MUC12: variants seen among roughly 807,000 people sequenced by gnomAD.
MUC12 encodes mucin 12, cell surface associated.
A neutral mutation model predicts 230.8 loss-of-function variants in MUC12; 172 were observed. The ratio of observed to expected loss-of-function variants is 0.75; its 90% CI spans 0.66 to 0.85. MUC12 has a LOEUF of 0.85. Ranked by LOEUF, MUC12 falls within the 40% of genes least tolerant of loss-of-function variation. The pLI is 0.00. For synonymous variants in MUC12, 1,259 were observed against 2,401.9 expected, an observed-to-expected ratio of 0.52 and a Z score of 13.91; for missense variants, 3,506 against 5,920.6, an observed-to-expected ratio of 0.59 and a Z score of 13.38.
intron 1 of MUC12, among the ~76,000 whole-genome samples, chr7:100,977,989 A>G (rs1793057842): frequency 6.6e-6 from 1 of 152,028 alleles, no homozygotes; most frequent in Admixed American, 6.6e-5. Context: ...CTTTTCTCTG[A>G]CAAGTATGCA....
In MUC12 at chr7:101,004,879, A is replaced by C. The variant is rs1793713892; in HGVS notation, c.14316A>C (p.Gln4772His). Residue 4772 changes from glutamine (Q) to histidine (H), a missense_variant, in exon 2 of 12, where the codon CAA (glutamine) becomes CAC (histidine). Gln to His is a conservative substitution (Grantham distance 24). Transcript: ENST00000536621. ...GAGAACCCACCAGCTTGTATAGCCA[A>C]GCAGAGTCAACACACACAACAGCGT... ...ISGEPTSLYS[Q>H]AESTHTTAFP... 6.5e-7 allele frequency: 1 copy of C among 1,537,604 alleles called. No individual in the cohort carries two copies. Among genetic ancestry groups the C allele is most frequent in the Non-Finnish European group, 8.7e-7 (1 of 1,147,050 alleles).
In MUC12 at chr7:101,004,664, C is replaced by T. The variant is rs373274545; in HGVS notation, c.14101C>T (p.His4701Tyr). The T allele has an allele frequency of 2.6e-6, 4 of 1,537,418 alleles. No individual in the cohort carries two copies. The highest frequency in any genetic ancestry group is 3.5e-6 in the Non-Finnish European group (4 of 1,146,646). Reference protein sequence around the residue: ...DTNGITPLPAHFTTSGRIAES... With the variant: ...DTNGITPLPAYFTTSGRIAES... ...AAATGGAATCACACCCTTACCTGCC[C>T]ATTTTACTACCTCAGGCCGCATTGC... The change falls in exon 2 of 12, where the codon CAT (histidine) becomes TAT (tyrosine). Residue 4701 changes from histidine to tyrosine, a missense_variant. By Grantham distance (83) the His-to-Tyr change is moderately conservative. Coordinates refer to ENST00000536621, the MANE Select transcript of MUC12 (RefSeq NM_001164462.2).
rs1249774346 is a variant in MUC12, at chr7:100,992,794, G to C, written c.2231G>C (p.Ser744Thr). The C allele has an allele frequency of 6.5e-7, 1 of 1,537,286 alleles. No individual in the cohort carries two copies. Among genetic ancestry groups the C allele is most frequent in the East Asian group, 2.4e-5 (1 of 40,936 alleles). Residue 744 changes from serine (S) to threonine (T), a missense_variant, in exon 2 of 12, where the codon AGC becomes ACC. Physicochemically the swap from Ser to Thr is moderately conservative, Grantham distance 58. Coordinates refer to ENST00000536621, the MANE Select transcript of MUC12 (RefSeq NM_001164462.2). ...GTTGAAGAACCTACCAGCTACCACAGCAGCCCGGGCTCAACTGCAACAACA... is the reference window on the plus strand; with the variant it reads ...GTTGAAGAACCTACCAGCTACCACACCAGCCCGGGCTCAACTGCAACAACA... ...ALVEEPTSYH[S>T]SPGSTATTHF...
Position 100,995,767 on chromosome 7 carries a change from T to G in MUC12, c.5204T>G (p.Leu1735Trp). ...CACTTTTCTGCCAGCTCCACAACCT[T>G]GGGCCGTAGTGAGGAATCGACAACA... ...TTHFSASSTT[L>W]GRSEESTTVH... is the part of the protein sequence containing the mutation. The change falls in exon 2 of 12, where the codon TTG becomes TGG. Residue 1735 changes from leucine (L) to tryptophan (W), a missense_variant. Transcript: ENST00000536621. The G allele has an allele frequency of 6.5e-7, 1 of 1,527,796 alleles. No homozygotes were observed. The highest frequency in any genetic ancestry group is 8.7e-7 in the Non-Finnish European group (1 of 1,143,922). 94.6% of individuals were successfully genotyped at this position (1,527,796 alleles called of 1,614,324 possible).
Position 100,990,356 on chromosome 7 carries a change from T to G in MUC12, c.68-275T>G, listed in dbSNP as rs142926161. On this transcript the variant is annotated intron_variant, in intron 1 of 11. Coordinates refer to ENST00000536621, the MANE Select transcript of MUC12 (RefSeq NM_001164462.2). The stretch of plus-strand genomic sequence containing the variant: ...AATCATCCCAAAACCATTCCCCCAA[T>G]AGCCAACAGCTCAAGTCCTTGGGAA... Among the ~76,000 whole-genome samples, 244 of 152,308 alleles carry G rather than the reference T, an allele frequency of 1.6e-3. 2 individuals carry two copies. The highest frequency in any genetic ancestry group is 5.4e-3 in the African/African-American group (223 of 41,566).
rs1421447028 is a variant in MUC12, at chr7:100,995,337, C to G, written c.4774C>G (p.Pro1592Ala). Reference sequence around the variant, plus strand: ...AGGCTCAACGCACACAACAGCATTCCCTGGCAGTACCACCATGCCAGGCGT... The same window carrying G: ...AGGCTCAACGCACACAACAGCATTCGCTGGCAGTACCACCATGCCAGGCGT... ...RPGSTHTTAF[P>A]GSTTMPGVSQ... is the part of the protein sequence containing the mutation. Residue 1592 changes from proline to alanine, a missense_variant, in exon 2 of 12, where the codon CCT becomes GCT. Physicochemically the swap from Pro to Ala is conservative, Grantham distance 27. Coordinates refer to ENST00000536621, the MANE Select transcript of MUC12 (RefSeq NM_001164462.2). 1 of 1,533,056 alleles carries G rather than the reference C, an allele frequency of 6.5e-7. No individual in the cohort carries two copies. Among genetic ancestry groups the G allele is most frequent in the African/African-American group, 1.4e-5 (1 of 71,092 alleles). 95.0% of individuals were successfully genotyped at this position (1,533,056 alleles called of 1,614,324 possible).
intron 1 of MUC12, among the ~76,000 whole-genome samples, chr7:100,982,100 C>T (rs1401106993): frequency 6.6e-6 from 1 of 152,104 alleles, no homozygotes; most frequent in African/African-American, 2.4e-5. Context: ...CTCCTGACCT[C>T]AGGTGATCTG....
chr7:100,972,896 C>T (rs2116254779), intron 1 of MUC12: 1 of 703,022 alleles, frequency 1.4e-6, no homozygotes, highest in South Asian at 1.5e-5. Context: ...GAGAAGCAGA[C>T]AGTCGAGCAA....
In MUC12 at chr7:100,992,273, A is replaced by C. The variant is rs1298080951; in HGVS notation, c.1710A>C (p.Ala570=). 1.0e-5 allele frequency: 16 copies of C among 1,536,854 alleles called. No individual in the cohort carries two copies. Among genetic ancestry groups the C allele is most frequent in the Non-Finnish European group, 1.3e-5 (15 of 1,146,270 alleles). The change falls in exon 2 of 12, where the codon GCA becomes GCC. Residue 570 remains alanine (A), a synonymous_variant. Transcript: ENST00000536621. ...DTTLSPGSTT[A]SSLGPEYTTF... ...CATTGTCCCCTGGCAGTACCACAGC[A>C]TCATCCCTTGGTCCAGAATATACTA...
chr7:101,005,319 C>A lies in MUC12; in HGVS notation c.14756C>A (p.Pro4919His). 6.5e-7 allele frequency: 1 copy of A among 1,537,922 alleles called. No individual in the cohort carries two copies. The highest frequency in any genetic ancestry group is 1.2e-5 in the South Asian group (1 of 84,052). Reference sequence around the variant, plus strand: ...AGCTCAGACGCAACTGGAACAACACCCTTACCTGCCCGCTCCACAGCCTCA... The same window carrying A: ...AGCTCAGACGCAACTGGAACAACACACTTACCTGCCCGCTCCACAGCCTCA... Reference protein sequence around the residue: ...HSSSDATGTTPLPARSTASDL... With the variant: ...HSSSDATGTTHLPARSTASDL... Residue 4919 changes from proline to histidine, a missense_variant, in exon 2 of 12, where the codon CCC (proline) becomes CAC (histidine). Physicochemically the swap from Pro to His is moderately conservative, Grantham distance 77 (BLOSUM62 -2). Coordinates refer to ENST00000536621, the MANE Select transcript of MUC12 (RefSeq NM_001164462.2).
chr7:100,978,383 G>C (rs1362511247), intron 1 of MUC12, among the ~76,000 whole-genome samples: 1 of 152,188 alleles, frequency 6.6e-6, no homozygotes, highest in Non-Finnish European at 1.5e-5. Context: ...CTAGAACTGG[G>C]GGACCCCAGC....
In MUC12 at chr7:101,015,697, T is replaced by G. The variant is rs535402716; in HGVS notation, c.15877+6T>G. The stretch of plus-strand genomic sequence containing the variant: ...GAAGACGGCCATCTGGGAAGGTACC[T>G]CTAGTTAAGGGCAAGGAGATGAGCA... On this transcript the variant is annotated splice_donor_region_variant and intron_variant, in intron 10 of 11. Coordinates refer to ENST00000536621, the MANE Select transcript of MUC12 (RefSeq NM_001164462.2). The G allele has an allele frequency of 6.5e-7, 1 of 1,536,960 alleles. No homozygotes were observed. The highest frequency in any genetic ancestry group is 2.0e-5 in the Admixed American group (1 of 50,994).
chr7:100,989,504 GAACGCGTGTGGGGGCATTTGTGGGAGTAC>G (rs1793245409), intron 1 of MUC12, among the ~76,000 whole-genome samples: 6 of 152,102 alleles, frequency 3.9e-5, no homozygotes, highest in Admixed American at 3.9e-4. Context: ...GGAACAAAAG[GAACGCGTGTGGGGGCATTTGTGGGAGTAC>G]AACCTTCTGC....
In MUC12 at chr7:101,004,833, T is replaced by C; in HGVS notation, c.14270T>C (p.Met4757Thr). Reference sequence around the variant, plus strand: ...GACCAAACACTCTCACCTGCCAGCATGACAAGCTCCAGCATCAGTGGAGAA... The same window carrying C: ...GACCAAACACTCTCACCTGCCAGCACGACAAGCTCCAGCATCAGTGGAGAA... ...SPDQTLSPAS[M>T]TSSSISGEPT... Residue 4757 changes from methionine to threonine, a missense_variant, in exon 2 of 12, where the codon ATG becomes ACG. Coordinates refer to ENST00000536621, the MANE Select transcript of MUC12 (RefSeq NM_001164462.2). 7 of 1,536,846 alleles carry C rather than the reference T, an allele frequency of 4.6e-6. No individual in the cohort carries two copies. The highest frequency in any genetic ancestry group is 5.2e-6 in the Non-Finnish European group (6 of 1,146,412).
chr7:101,018,479 GACTCCCTCCCTCCCCCT>G, intron 11 of MUC12, 99 bp from the exon 12 acceptor site: 2 of 746,142 alleles, frequency 2.7e-6, no homozygotes, highest in African/African-American at 1.9e-5. Context: ...CTCCCCCTGG[GACTCCCTCCCTCCCCCT>G]GGGGTTCCCT....
At chr7:100,970,485 C>CA (rs1157597160) in intron 1 of MUC12, among the ~76,000 whole-genome samples, 4,024 of 60,888 alleles carry the variant, frequency 0.066, 188 homozygotes, top group African/African-American at 0.2. Context: ...AAAACACTGC[C>CA]AAAAAAAAAA....
chr7:100,981,124 G>A lies in MUC12; in HGVS notation c.68-9507G>A, dbSNP rs143590861. 2.0e-5 allele frequency among the ~76,000 whole-genome samples: 3 copies of A among 152,288 alleles called. No homozygotes were observed. In the East Asian group the frequency reaches 5.8e-4, roughly 29 times the overall value. ...TGTGTTTTGGATTTCTTTGCTTCCT[G>A]GTGAAATTTATATGCTTTTTCCTTC... is the stretch of plus-strand genomic sequence containing the variant. On this transcript the variant is annotated intron_variant, in intron 1 of 11. Transcript: ENST00000536621.
chr7:101,011,942 T>A (rs2116357304), intron 5 of MUC12, among the ~76,000 whole-genome samples: 1 of 152,328 alleles, frequency 6.6e-6, no homozygotes, highest in East Asian at 1.9e-4. Flanking sequence ...AATTCTATTT[T>A]AAATTTTTTG....
At chr7:100,976,805 CTT>C (rs1302251697) in intron 1 of MUC12, among the ~76,000 whole-genome samples, 2 of 151,976 alleles carry the variant, frequency 1.3e-5, no homozygotes, top group Non-Finnish European at 2.9e-5. Context: ...AATCCCAACA[CTT>C]TGGGAGGTCA....
Sources: gnomAD v4.1 joint callset for allele counts (sites outside exome capture counted in the v4.1 genomes callset) on GRCh38, gnomAD v4.1.1 for gene constraint, MANE v1.5 for transcripts, NCBI Gene and HGNC (gene_info 2026-07-23, HGNC 2026-07-21) for gene names.